Variants in BUB1B observed in about 807,000 individuals in gnomAD.
BUB1B encodes BUB1 mitotic checkpoint serine/threonine kinase B, also known as mitotic checkpoint serine/threonine-protein kinase BUB1 beta.
BUB1B carries 86 observed loss-of-function variants against 137.7 expected under a neutral mutation model. The observed-to-expected ratio is 0.62, with a 90% CI of 0.52 to 0.75. The LOEUF (loss-of-function observed/expected upper bound fraction) is 0.75, where lower values mean the gene tolerates loss of function less well. BUB1B is among the 30% of genes least tolerant of loss of function. The pLI, the probability that BUB1B is intolerant of heterozygous loss-of-function variation, is 0.00. For synonymous variants in BUB1B, 420 were observed against 417.9 expected (o/e 1.00, Z -0.06); for missense variants, 1,130 against 1,236.9 (o/e 0.91, Z 1.30).
At chr15:40,170,419 T>C (rs1002767092) in intron 3 of BUB1B, 118 bp from the exon 4 acceptor site, 33 of 1,213,932 alleles carry the variant, frequency 2.7e-5, no homozygotes, top group Non-Finnish European at 3.6e-5. Context: ...GGGTATGTCA[T>C]TGAGGACCTC....
chr15:40,182,747 A>G (rs1390007532), intron 5 of BUB1B, among the ~76,000 whole-genome samples: 4 of 152,228 alleles, frequency 2.6e-5, no homozygotes, highest in Non-Finnish European at 4.4e-5. Flanking sequence ...TTTGGCCTTC[A>G]GAGTCCTCTT....
intron 4 of BUB1B, among the ~76,000 whole-genome samples, chr15:40,171,980 T>G (rs754236503): frequency 6.6e-6 from 1 of 152,062 alleles, no homozygotes; most frequent in Non-Finnish European, 1.5e-5. Flanking sequence ...CACCACAATA[T>G]GATGAAATAT....
intron 2 of BUB1B, among the ~76,000 whole-genome samples, chr15:40,167,179 T>G (rs142579544): frequency 0.015 from 2,164 of 147,386 alleles, 54 homozygotes; most frequent in African/African-American, 0.05. Context: ...TTCTGGGTGT[T>G]TTTTTTTTTT....
At chr15:40,208,105 A>G (rs1229937358) in intron 15 of BUB1B, among the ~76,000 whole-genome samples, 1 of 151,264 alleles carries the variant, frequency 6.6e-6, no homozygotes, top group Non-Finnish European at 1.5e-5. Flanking sequence ...GGGTGACGGA[A>G]TGAGATCCTG....
At chr15:40,174,526 A>C (rs1248366444) in intron 4 of BUB1B, among the ~76,000 whole-genome samples, 1 of 152,226 alleles carries the variant, frequency 6.6e-6, no homozygotes, top group African/African-American at 2.4e-5. Context: ...ACTGTAACAG[A>C]GAGAAAATTA....
chr15:40,182,424 A>G (rs1029239410), intron 5 of BUB1B, among the ~76,000 whole-genome samples: 4 of 152,172 alleles, frequency 2.6e-5, no homozygotes, highest in African/African-American at 9.7e-5. Flanking sequence ...TTGTCTTAGT[A>G]GACAACCACA....
At chr15:40,192,186 T>A (rs1187351991) in intron 8 of BUB1B, among the ~76,000 whole-genome samples, 2 of 152,238 alleles carry the variant, frequency 1.3e-5, no homozygotes, top group Non-Finnish European at 2.9e-5. Flanking sequence ...GGTTTCAGAA[T>A]ACAAGTTTTG....
chr15:40,170,168 G>A, intron 3 of BUB1B, 47 bp downstream of exon 3: 2 of 1,542,672 alleles, frequency 1.3e-6, no homozygotes, highest in Non-Finnish European at 1.8e-6. Flanking sequence ...TAACAGATAA[G>A]TCCTTATGGC....
chr15:40,196,766 A>T lies in BUB1B; in HGVS notation c.1280A>T (p.Gln427Leu). The change falls in exon 9 of 23, where the codon CAA becomes CTA. Residue 427 changes from glutamine (Q) to leucine (L), a missense_variant. Gln to Leu is a moderately radical substitution (Grantham distance 113). Transcript: ENST00000287598. ...AEVFRKKLKE[Q>L]REAELLTSAE... ...GTTTTCCGGAAGAAATTAAAAGAGC[A>T]AAGGGAAGGTGTGTGTAATTCAAGT... The T allele has an allele frequency of 1.9e-6, 3 of 1,613,842 alleles. No homozygotes were observed. The highest frequency in any genetic ancestry group is 1.7e-4 in the Middle Eastern group (1 of 6,060).
At chr15:40,210,943 G>GAC (rs2037703325) in intron 18 of BUB1B, among the ~76,000 whole-genome samples, 2 of 152,092 alleles carry the variant, frequency 1.3e-5, no homozygotes, top group African/African-American at 4.8e-5. Context: ...TGTCACTTAT[G>GAC]TGCTAGGTAC....
In BUB1B at chr15:40,161,078, A is replaced by G. The variant is rs879865405; in HGVS notation, c.-143A>G. On this transcript the variant is annotated 5_prime_UTR_variant, in exon 1 of 23. Coordinates refer to ENST00000287598, the MANE Select transcript of BUB1B (RefSeq NM_001211.6). ...CTTGGCGGCTAGGGGTGTGGGCTTG[A>G]GGTGGCCGGTTTGTTAGGGAGTCGT... is the stretch of plus-strand genomic sequence containing the variant. 3 of 1,099,866 alleles carry G rather than the reference A, an allele frequency of 2.7e-6. No individual in the cohort carries two copies. Among genetic ancestry groups the G allele is most frequent in the Non-Finnish European group, 3.9e-6 (3 of 768,822 alleles). 68.1% of individuals were successfully genotyped at this position (1,099,866 alleles called of 1,614,324 possible). A position where few individuals can be genotyped will look rare whatever the true frequency, so the allele number is the denominator to read the frequency against.
chr15:40,211,227 C>T (rs1241642075), intron 18 of BUB1B, among the ~76,000 whole-genome samples: 1 of 151,980 alleles, frequency 6.6e-6, no homozygotes, highest in Non-Finnish European at 1.5e-5. Flanking sequence ...TTTTCAAGAG[C>T]TCTTTTTAAA....
chr15:40,220,422 C>T, intron 22 of BUB1B, 142 bp from the exon 23 acceptor site: 2 of 818,306 alleles, frequency 2.4e-6, no homozygotes, highest in South Asian at 1.7e-5. Context: ...TTTCAAAGGA[C>T]TATTTGAATG....
intron 4 of BUB1B, among the ~76,000 whole-genome samples, chr15:40,173,705 T>C (rs1334617935): frequency 6.6e-6 from 1 of 152,198 alleles, no homozygotes; most frequent in Non-Finnish European, 1.5e-5. Context: ...CCACAGATTT[T>C]TTGAGAAGCA....
In BUB1B at chr15:40,185,310, C is replaced by A. The variant is rs374307209; in HGVS notation, c.897C>A (p.Pro299=). The A allele has an allele frequency of 6.8e-6, 11 of 1,614,066 alleles. No homozygotes were observed. The highest frequency in any genetic ancestry group is 9.3e-6 in the Non-Finnish European group (11 of 1,180,044). Residue 299 remains proline, a synonymous_variant, in exon 7 of 23, where the codon CCC becomes CCA. Transcript: ENST00000287598. ...KPTVQPWIAP[P]MPRAKENELQ... is the part of the protein sequence containing the mutation. The stretch of plus-strand genomic sequence containing the variant: ...CAGTCCAGCCATGGATAGCACCCCC[C>A]ATGCCCAGGGCCAAAGAGAATGAGC...
intron 20 of BUB1B, among the ~76,000 whole-genome samples, chr15:40,215,940 G>C (rs2037774509): frequency 6.6e-6 from 1 of 152,032 alleles, no homozygotes; most frequent in Admixed American, 6.6e-5. Flanking sequence ...AAGCCAGAAA[G>C]AACCTTTTGA....
chr15:40,166,339 C>CTT lies in BUB1B; in HGVS notation c.179+1154_179+1155dup, dbSNP rs746106063. The CTT allele has an allele frequency of 7.7e-4, 282 of 365,624 alleles. 1 individual carries two copies. Among genetic ancestry groups the CTT allele is most frequent in the East Asian group, 3.0e-3 (35 of 11,626 alleles). 22.6% of individuals were successfully genotyped at this position (365,624 alleles called of 1,614,324 possible). The stretch of plus-strand genomic sequence containing the variant: ...TGTAGACATAATTTTCTCTCTCTCT[C>CTT]TTTTTTTTTTTTCTTTTAGAGACGG... On this transcript the variant is annotated intron_variant, in intron 2 of 22. Coordinates refer to ENST00000287598, the MANE Select transcript of BUB1B (RefSeq NM_001211.6).
At chr15:40,213,139 A>T (rs1489988616) in intron 19 of BUB1B, among the ~76,000 whole-genome samples, 193 bp from the exon 20 acceptor site, 1 of 152,196 alleles carries the variant, frequency 6.6e-6, no homozygotes, top group African/African-American at 2.4e-5. Flanking sequence ...TCATTATGTC[A>T]TTAAATCCTT....
chr15:40,200,159 G>C, intron 10 of BUB1B, 85 bp from the exon 11 acceptor site: 1 of 896,728 alleles, frequency 1.1e-6, no homozygotes, highest in Non-Finnish European at 1.8e-6. Flanking sequence ...TCTAGGGAAA[G>C]AGTACAGTAA....
Sources: allele counts gnomAD v4.1 joint callset (sites outside exome capture counted in the v4.1 genomes callset), GRCh38; gene constraint gnomAD v4.1.1; transcripts MANE v1.5; gene names NCBI Gene and HGNC (gene_info 2026-07-23, HGNC 2026-07-21).